The following HDAC9 variants were observed in gnomAD, a reference collection of about 807,000 sequenced individuals.
HDAC9 encodes MEF-2 interacting transcription repressor (MITR) protein.
HDAC9 carries 41 observed loss-of-function variants against 139.4 expected under a neutral mutation model. The ratio of observed to expected loss-of-function variants is 0.29; its 90% confidence interval spans 0.23 to 0.38. The LOEUF (loss-of-function observed/expected upper bound fraction) is 0.38, where lower values mean the gene tolerates loss of function less well. HDAC9 is among the 10% of genes least tolerant of loss of function. HDAC9 has a pLI of 1.00. For synonymous variants in HDAC9, 517 were observed against 476.2 expected (o/e 1.09, Z -1.12); for missense variants, 1,147 against 1,297.0 (o/e 0.88, Z 1.78).
intron 2 of HDAC9, among the ~76,000 whole-genome samples, chr7:18,175,365 A>G (rs1290455635): frequency 6.6e-6 from 1 of 152,202 alleles, no homozygotes; most frequent in African/African-American, 2.4e-5. Context: ...ACCATCTGTC[A>G]TGGCTTCCCT....
At chr7:18,255,685 G>C (rs1259948077) in intron 2 of HDAC9, among the ~76,000 whole-genome samples, 1 of 147,732 alleles carries the variant, frequency 6.8e-6, no homozygotes, top group East Asian at 2.0e-4. Context: ...CGGGCGCGCG[G>C]TGACGTGATT....
At chr7:18,784,508 A>C (rs1791529264) in intron 16 of HDAC9, among the ~76,000 whole-genome samples, 1 of 151,958 alleles carries the variant, frequency 6.6e-6, no homozygotes, top group African/African-American at 2.4e-5. Flanking sequence ...AACAAAAAAC[A>C]AAAAACAAAA....
At chr7:18,803,676 A>AT (rs949829209) in intron 17 of HDAC9, among the ~76,000 whole-genome samples, 5 of 150,868 alleles carry the variant, frequency 3.3e-5, no homozygotes, top group African/African-American at 1.2e-4. Flanking sequence ...TAGATTTTCT[A>AT]TTTTTTTTCT....
intron 12 of HDAC9, among the ~76,000 whole-genome samples, chr7:18,724,722 C>G (rs1437970307): frequency 6.6e-6 from 1 of 152,148 alleles, no homozygotes; most frequent in African/African-American, 2.4e-5. Context: ...GTGGTCTATC[C>G]TTGACCAAAA....
intron 1 of HDAC9, among the ~76,000 whole-genome samples, chr7:18,436,651 A>G (rs1216700092): frequency 1.3e-5 from 2 of 152,242 alleles, no homozygotes; most frequent in Non-Finnish European, 2.9e-5. Flanking sequence ...TATACCTTGT[A>G]AATTGTAAAT....
At chr7:18,637,842 C>T (rs1403250158) in intron 8 of HDAC9, among the ~76,000 whole-genome samples, 1 of 151,774 alleles carries the variant, frequency 6.6e-6, no homozygotes, top group Non-Finnish European at 1.5e-5. Flanking sequence ...GAGGAGACAG[C>T]GGAATTTAGA....
intron 2 of HDAC9, among the ~76,000 whole-genome samples, chr7:18,250,577 T>G (rs1794853055): frequency 1.3e-5 from 2 of 152,228 alleles, no homozygotes; most frequent in African/African-American, 4.8e-5. Flanking sequence ...TGTTTACCAC[T>G]TAGCTGAGAG....
At chr7:18,273,476 G>A (rs1796521172) in intron 2 of HDAC9, among the ~76,000 whole-genome samples, 1 of 152,176 alleles carries the variant, frequency 6.6e-6, no homozygotes, top group Non-Finnish European at 1.5e-5. Flanking sequence ...TGAAAGAGGT[G>A]TCATTGTTGA....
At chr7:18,732,593 G>A (rs1485175354) in intron 13 of HDAC9, among the ~76,000 whole-genome samples, 2 of 142,436 alleles carry the variant, frequency 1.4e-5, no homozygotes, top group Admixed American at 6.8e-5. Context: ...ATACACACAC[G>A]TGTATATGTG....
chr7:18,917,683 T>C (rs1803328390), intron 22 of HDAC9, among the ~76,000 whole-genome samples: 1 of 152,006 alleles, frequency 6.6e-6, no homozygotes, highest in African/African-American at 2.4e-5. Flanking sequence ...ACAAAGTAAA[T>C]AAGTACATTT....
intron 1 of HDAC9, among the ~76,000 whole-genome samples, chr7:18,090,035 CTGCAGATATATACAATT>C (rs1782041953): frequency 6.6e-6 from 1 of 152,090 alleles, no homozygotes; most frequent in African/African-American, 2.4e-5. Context: ...TTGCATGCAT[CTGCAGATATATACAATT>C]GTTTCCCAGT....
intron 1 of HDAC9, among the ~76,000 whole-genome samples, chr7:18,482,570 AC>A (rs1452068876): frequency 1.4e-4 from 22 of 152,178 alleles, no homozygotes; most frequent in African/African-American, 5.1e-4. Context: ...AATGATTATT[AC>A]AGAAGGATAG....
chr7:18,894,798 C>G (rs150652016), intron 22 of HDAC9, among the ~76,000 whole-genome samples: 101 of 152,184 alleles, frequency 6.6e-4, no homozygotes, highest in African/African-American at 2.3e-3. Context: ...AATTGCTATA[C>G]AAATGTTCTT....
At chr7:18,135,069 A>T (rs1207197598) in intron 1 of HDAC9, among the ~76,000 whole-genome samples, 3 of 152,146 alleles carry the variant, frequency 2.0e-5, no homozygotes, top group Non-Finnish European at 2.9e-5. Context: ...TAATGAGTTC[A>T]TCATATGTGA....
chr7:18,759,486 C>T (rs1789181620), intron 14 of HDAC9, among the ~76,000 whole-genome samples: 1 of 151,958 alleles, frequency 6.6e-6, no homozygotes, highest in Non-Finnish European at 1.5e-5. Context: ...TGTCTCCTAT[C>T]ACCCCCAGAG....
chr7:18,929,829 C>G (rs997985904), intron 22 of HDAC9, among the ~76,000 whole-genome samples: 3 of 151,942 alleles, frequency 2.0e-5, no homozygotes, highest in Non-Finnish European at 4.4e-5. Flanking sequence ...AGTCCAGCTA[C>G]TCGGGAGGCT....
chr7:18,234,206 A>T (rs1054002133), intron 2 of HDAC9, among the ~76,000 whole-genome samples: 22 of 152,198 alleles, frequency 1.4e-4, no homozygotes, highest in African/African-American at 5.3e-4. Flanking sequence ...CTGTGCTGGG[A>T]AAAGTAGGGC....
At chr7:18,329,979 GTGTA>G (rs1484120305) in intron 1 of HDAC9, among the ~76,000 whole-genome samples, 2 of 57,214 alleles carry the variant, frequency 3.5e-5, no homozygotes, top group African/African-American at 6.7e-5. Flanking sequence ...TAAGGCTTGT[GTGTA>G]TGTGTGTGTG....
intron 2 of HDAC9, among the ~76,000 whole-genome samples, chr7:18,268,627 T>G (rs1045037525): frequency 7.9e-5 from 12 of 152,192 alleles, no homozygotes; most frequent in African/African-American, 2.9e-4. Context: ...ATAATTCACT[T>G]GTAGTGAATA....
Sources: gnomAD v4.1 joint callset for allele counts (sites outside exome capture counted in the v4.1 genomes callset) on GRCh38, gnomAD v4.1.1 for gene constraint, MANE v1.5 for transcripts, NCBI Gene and HGNC (gene_info 2026-07-23, HGNC 2026-07-21) for gene names.